TNNI3K: variants seen among roughly 807,000 people sequenced by gnomAD.
TNNI3K encodes the protein serine/threonine-protein kinase TNNI3K.
In TNNI3K, 140 loss-of-function variants were observed where a neutral mutation model predicts 114.5. The observed-to-expected ratio is 1.22, with a 90% CI of 1.07 to 1.41. TNNI3K has a LOEUF of 1.41. Among genes scored for constraint, TNNI3K ranks in the 40% most tolerant of loss-of-function variants. TNNI3K has a pLI of 0.00. For missense variants in TNNI3K, 1,125 were observed against 1,007.6 expected (o/e 1.12, Z -1.58); for synonymous variants, 347 against 347.5 (o/e 1.00, Z 0.02).
chr1:74,412,805 G>T (rs113881840), intron 17 of TNNI3K, among the ~76,000 whole-genome samples: 108 of 152,124 alleles, frequency 7.1e-4, no homozygotes, highest in Middle Eastern at 3.4e-3. Context: ...ATTAGAGATG[G>T]GTTTCACCAT....
intron 24 of TNNI3K, among the ~76,000 whole-genome samples, chr1:74,540,596 A>T (rs1646714739): frequency 2.0e-5 from 1 of 49,348 alleles, no homozygotes; most frequent in African/African-American, 5.0e-5. Flanking sequence ...AAAAAGTACA[A>T]CTCTTTTTTT....
intron 23 of TNNI3K, among the ~76,000 whole-genome samples, chr1:74,519,488 C>T (rs561875588): frequency 8.0e-6 from 1 of 125,424 alleles, no homozygotes; most frequent in Non-Finnish European, 1.5e-5. Flanking sequence ...AACTAGTTTA[C>T]AGTCCCACCA....
At chr1:74,505,193 G>A (rs893266714) in intron 23 of TNNI3K, among the ~76,000 whole-genome samples, 1 of 152,168 alleles carries the variant, frequency 6.6e-6, no homozygotes, top group African/African-American at 2.4e-5. Context: ...GTAAGACTTG[G>A]CCCAAAAATG....
chr1:74,504,856 G>A (rs1211922339), intron 23 of TNNI3K, among the ~76,000 whole-genome samples: 1 of 152,072 alleles, frequency 6.6e-6, no homozygotes, highest in African/African-American at 2.4e-5. Flanking sequence ...AACCCAAAGG[G>A]CGAGCCAGAG....
chr1:74,483,025 C>A (rs1668581468), intron 21 of TNNI3K, among the ~76,000 whole-genome samples: 1 of 152,188 alleles, frequency 6.6e-6, no homozygotes, highest in African/African-American at 2.4e-5. Context: ...TGGTGATATT[C>A]TTTTGCAATA....
intron 23 of TNNI3K, among the ~76,000 whole-genome samples, chr1:74,531,277 G>A (rs1029493302): frequency 6.6e-6 from 1 of 152,154 alleles, no homozygotes; most frequent in African/African-American, 2.4e-5. Flanking sequence ...AGGAAATATT[G>A]ACAAAAACAA....
intron 9 of TNNI3K, among the ~76,000 whole-genome samples, chr1:74,349,455 G>A (rs571075142): frequency 2.0e-5 from 3 of 152,160 alleles, no homozygotes; most frequent in South Asian, 2.1e-4. Context: ...GTCTCTGCCA[G>A]CCTTTGGTAT....
intron 5 of TNNI3K, among the ~76,000 whole-genome samples, chr1:74,308,605 A>T (rs1438090291): frequency 6.6e-6 from 1 of 152,146 alleles, no homozygotes; most frequent in East Asian, 1.9e-4. Context: ...AGGAGCTAGA[A>T]AAACAAGAAC....
chr1:74,535,774 A>G (rs1296741619), intron 23 of TNNI3K, among the ~76,000 whole-genome samples: 2 of 152,184 alleles, frequency 1.3e-5, no homozygotes, highest in African/African-American at 2.4e-5. Context: ...TACCTTCACC[A>G]TTTGAAGACT....
intron 9 of TNNI3K, among the ~76,000 whole-genome samples, chr1:74,345,458 G>A (rs1290706046): frequency 1.3e-5 from 2 of 152,102 alleles, no homozygotes; most frequent in African/African-American, 4.8e-5. Flanking sequence ...AATGAATTCT[G>A]CCTTTGGTTC....
intron 10 of TNNI3K, 60 bp downstream of exon 10, chr1:74,353,420 G>A (rs1661487415): frequency 6.3e-7 from 1 of 1,583,582 alleles, no homozygotes; most frequent in Non-Finnish European, 8.6e-7. Flanking sequence ...AAGAATAATG[G>A]TATGCAAAGG....
At chr1:74,501,611 C>T (rs183516799) in intron 23 of TNNI3K, among the ~76,000 whole-genome samples, 107 of 152,168 alleles carry the variant, frequency 7.0e-4, no homozygotes, top group African/African-American at 2.4e-3. Flanking sequence ...CTCAGCCTCC[C>T]GAGTAGCTGG....
Position 74,249,385 on chromosome 1 carries a change from A to G in TNNI3K, c.150-74A>G. ...CTGAATTGATAGTAACAGGATTTGC[A>G]TTTATAATTTTCAAATGAAAGACAA... is the stretch of plus-strand genomic sequence containing the variant. On this transcript the variant is annotated intron_variant, in intron 2 of 24. Coordinates refer to ENST00000326637, the MANE Select transcript of TNNI3K (RefSeq NM_015978.3). 6 of 1,463,762 alleles carry G rather than the reference A, an allele frequency of 4.1e-6. No homozygotes were observed. The South Asian group carries it at 6.4e-5, about 16-fold the overall frequency. The allele number at this position is 1,463,762 out of a possible 1,614,324, so 90.7% of individuals were successfully genotyped here. A position where few individuals can be genotyped will look rare whatever the true frequency, so the allele number is the denominator to read the frequency against.
chr1:74,483,970 A>C (rs1668625373), intron 21 of TNNI3K, among the ~76,000 whole-genome samples: 1 of 152,122 alleles, frequency 6.6e-6, no homozygotes, highest in African/African-American at 2.4e-5. Context: ...GTTTTTACTG[A>C]CTATATTATC....
chr1:74,350,221 C>T (rs544517990), intron 9 of TNNI3K, among the ~76,000 whole-genome samples: 3 of 152,202 alleles, frequency 2.0e-5, no homozygotes, highest in South Asian at 2.1e-4. Context: ...GCCTTCATTT[C>T]GTTATTTACC....
intron 5 of TNNI3K, among the ~76,000 whole-genome samples, chr1:74,290,615 A>T (rs1195738306): frequency 2.6e-5 from 4 of 151,840 alleles, no homozygotes; most frequent in African/African-American, 9.7e-5. Flanking sequence ...ATTGTACAAG[A>T]TTATACATTG....
At chr1:74,492,003 A>G (rs369258844) in intron 22 of TNNI3K, 94 bp from the exon 23 acceptor site, 2 of 1,370,262 alleles carry the variant, frequency 1.5e-6, no homozygotes, top group Middle Eastern at 2.0e-4. Flanking sequence ...AAATATGGGA[A>G]ACCTTGGAAT....
At chr1:74,351,500 T>G (rs1231151573) in intron 9 of TNNI3K, among the ~76,000 whole-genome samples, 6 of 152,268 alleles carry the variant, frequency 3.9e-5, no homozygotes, top group Non-Finnish European at 7.4e-5. Flanking sequence ...TTTCCTGAAT[T>G]TGAATGTTGG....
At chr1:74,243,170 TCTAA>T (rs1337911966) in intron 2 of TNNI3K, among the ~76,000 whole-genome samples, 4 of 152,168 alleles carry the variant, frequency 2.6e-5, no homozygotes, top group Admixed American at 6.6e-5. Flanking sequence ...TATCTGTCAC[TCTAA>T]CTATAATTGT....
Sources: allele counts gnomAD v4.1 joint callset (sites outside exome capture counted in the v4.1 genomes callset), GRCh38; gene constraint gnomAD v4.1.1; transcripts MANE v1.5; gene names NCBI Gene and HGNC (gene_info 2026-07-23, HGNC 2026-07-21).